The following CSMD3 variants were observed in gnomAD, a reference collection of about 807,000 sequenced individuals.
The protein encoded by CSMD3 is CUB and Sushi multiple domains 3, also known as CUB and sushi domain-containing protein 3.
A neutral mutation model predicts 435.2 loss-of-function variants in CSMD3; 177 were observed. That is an observed-to-expected ratio of 0.41 (90% CI 0.36 to 0.46). The LOEUF is 0.46. Among genes scored for constraint, CSMD3 ranks in the 20% least tolerant of loss-of-function variants. The pLI is 0.34. For missense variants in CSMD3, 4,265 were observed against 4,504.6 expected, an observed-to-expected ratio of 0.95 and a Z score of 1.52; for synonymous variants, 1,656 against 1,520.5, an observed-to-expected ratio of 1.09 and a Z score of -2.07.
At position 112,995,403 on chromosome 8, in the gene CSMD3, G is replaced by A. The variant is rs551936584; in HGVS notation, c.1031-19255C>T. On this transcript the variant is annotated intron_variant, in intron 6 of 70. Coordinates refer to ENST00000297405, the MANE Select transcript of CSMD3 (RefSeq NM_198123.2). Reference sequence around the variant, plus strand: ...TTGCTTCAAAGATATTAAACAGCTCGAAGCAGATGTTTGTTGCTTTCTGGA... The same window carrying A: ...TTGCTTCAAAGATATTAAACAGCTCAAAGCAGATGTTTGTTGCTTTCTGGA... Among the ~76,000 whole-genome samples the A allele has an allele frequency of 2.0e-4, 31 of 151,562 alleles. No homozygotes were observed. In the South Asian group the frequency reaches 3.3e-3, roughly 16 times the overall value.
intron 42 of CSMD3, among the ~76,000 whole-genome samples, chr8:112,339,913 G>A (rs1290136487): frequency 6.6e-6 from 1 of 151,982 alleles, no homozygotes; most frequent in Non-Finnish European, 1.5e-5. Flanking sequence ...ATACATTATG[G>A]CTCCTGTTAA....
intron 64 of CSMD3, among the ~76,000 whole-genome samples, chr8:112,245,769 C>G (rs983792793): frequency 9.9e-5 from 15 of 152,116 alleles, no homozygotes; most frequent in African/African-American, 3.6e-4. Context: ...AACTCCTGAC[C>G]TCAAGTGATC....
chr8:112,263,809 A>G lies in CSMD3; in HGVS notation c.9692T>C (p.Val3231Ala), dbSNP rs769201948. 9.3e-6 allele frequency: 15 copies of G among 1,613,462 alleles called. No homozygotes were observed. In the Middle Eastern group the frequency reaches 5.0e-4, roughly 53 times the overall value. The change falls in exon 61 of 71, where the codon GTT becomes GCT. Residue 3231 changes from valine (V) to alanine (A), a missense_variant. Transcript: ENST00000297405. ...GATCTGGGGAGGAGTTGGGCAGGTA[A>G]CAGCTGCAATTACATTAAAAGTGAT... ...WSGVMPTCRA[V>A]TCPTPPQISN...
intron 3 of CSMD3, among the ~76,000 whole-genome samples, chr8:113,233,426 TA>T (rs1464410942): frequency 4.0e-5 from 6 of 150,916 alleles, no homozygotes; most frequent in African/African-American, 1.4e-4. Context: ...TTGTTCAGAT[TA>T]AAAAATAATA....
chr8:113,052,473 T>G (rs1288212294), intron 5 of CSMD3, among the ~76,000 whole-genome samples: 2 of 152,314 alleles, frequency 1.3e-5, no homozygotes, highest in Admixed American at 6.5e-5. Flanking sequence ...AATTAAAAAG[T>G]TATTAATCAA....
chr8:112,865,532 C>T (rs2080953407), intron 10 of CSMD3, among the ~76,000 whole-genome samples: 2 of 152,068 alleles, frequency 1.3e-5, no homozygotes, highest in Non-Finnish European at 1.5e-5. Context: ...ACTTGTAATT[C>T]CTTAAACACA....
rs776775447 is a variant in CSMD3, at chr8:113,376,801, C to T, written c.178+59876G>A. Reference sequence around the variant, plus strand: ...CAAAGGAACCAACTCCACATTCAACCGGGTTGTGCTGAAGAGGTTGTTTAT... The same window carrying T: ...CAAAGGAACCAACTCCACATTCAACTGGGTTGTGCTGAAGAGGTTGTTTAT... On this transcript the variant is annotated intron_variant, in intron 1 of 70. Transcript: ENST00000297405. 2.2e-4 allele frequency: 347 copies of T among 1,613,732 alleles called. 6 individuals are homozygous for T. The South Asian group carries it at 3.3e-3, about 15-fold the overall frequency.
At chr8:112,783,824 A>C (rs1049645348) in intron 13 of CSMD3, among the ~76,000 whole-genome samples, 3 of 147,558 alleles carry the variant, frequency 2.0e-5, no homozygotes, top group African/African-American at 7.5e-5. Flanking sequence ...ATTTCAAGAC[A>C]AAAAAAAAAC....
chr8:112,670,876 G>A (rs1223334349), intron 16 of CSMD3, among the ~76,000 whole-genome samples: 1 of 152,122 alleles, frequency 6.6e-6, no homozygotes, highest in Non-Finnish European at 1.5e-5. Flanking sequence ...TTCCATGGAG[G>A]TTGAAGGTAA....
intron 32 of CSMD3, among the ~76,000 whole-genome samples, chr8:112,467,384 G>T (rs938981455): frequency 7.9e-5 from 12 of 152,144 alleles, no homozygotes; most frequent in African/African-American, 2.4e-4. Context: ...ATGAAATTAA[G>T]TCACCATCGA....
At chr8:112,241,163 G>T (rs900500394) in intron 66 of CSMD3, among the ~76,000 whole-genome samples, 7 of 151,866 alleles carry the variant, frequency 4.6e-5, no homozygotes, top group African/African-American at 1.4e-4. Context: ...GATAGAAAAA[G>T]ATATGGAGAT....
chr8:112,917,907 G>T (rs2130595257), intron 10 of CSMD3, among the ~76,000 whole-genome samples: 1 of 151,898 alleles, frequency 6.6e-6, no homozygotes, highest in South Asian at 2.1e-4. Flanking sequence ...CTCTACATTT[G>T]AAATGACTTT....
intron 3 of CSMD3, among the ~76,000 whole-genome samples, chr8:113,226,198 T>C (rs1234431337): frequency 6.6e-6 from 1 of 151,546 alleles, no homozygotes; most frequent in African/African-American, 2.4e-5. Flanking sequence ...TGTTATAATG[T>C]TATTATAGTG....
intron 1 of CSMD3, among the ~76,000 whole-genome samples, chr8:113,366,830 C>T (rs2094315016): frequency 6.6e-6 from 1 of 151,864 alleles, no homozygotes; most frequent in African/African-American, 2.4e-5. Context: ...ATGTGTTAAC[C>T]ATGAACAAAT....
chr8:113,232,151 C>T (rs1025560212), intron 3 of CSMD3, among the ~76,000 whole-genome samples: 1 of 151,454 alleles, frequency 6.6e-6, no homozygotes, highest in African/African-American at 2.4e-5. Context: ...TGGGTACCTT[C>T]CATGTACTTT....
intron 32 of CSMD3, among the ~76,000 whole-genome samples, chr8:112,443,713 T>C (rs1373937449): frequency 1.3e-5 from 2 of 152,146 alleles, no homozygotes; most frequent in East Asian, 1.9e-4. Flanking sequence ...ATTGATTTCA[T>C]TGAGAATGAG....
chr8:112,518,318 A>G (rs1823895818), intron 27 of CSMD3, among the ~76,000 whole-genome samples: 2 of 151,740 alleles, frequency 1.3e-5, no homozygotes. Flanking sequence ...CTGGGCAACT[A>G]AGTGAGACTC....
chr8:112,779,577 G>GA lies in CSMD3; in HGVS notation c.1972+20584dup, dbSNP rs1341961151. Reference sequence around the variant, plus strand: ...CATCTTCAGCCCATCACAGAGTTGTGAAAAAAATAGTTGTGTTAAGCTATT... The same window carrying GA: ...CATCTTCAGCCCATCACAGAGTTGTGAAAAAAAATAGTTGTGTTAAGCTATT... On this transcript the variant is annotated intron_variant, in intron 13 of 70. Coordinates refer to ENST00000297405, the MANE Select transcript of CSMD3 (RefSeq NM_198123.2). 2.6e-5 allele frequency among the ~76,000 whole-genome samples: 4 copies of GA among 151,940 alleles called. No individual in the cohort carries two copies. The South Asian group carries it at 8.3e-4, about 32-fold the overall frequency.
At chr8:113,244,806 A>C (rs890659586) in intron 3 of CSMD3, among the ~76,000 whole-genome samples, 1 of 151,928 alleles carries the variant, frequency 6.6e-6, no homozygotes, top group African/African-American at 2.4e-5. Flanking sequence ...GAATATATGA[A>C]GTCTAATTTG....
Sources: allele counts gnomAD v4.1 joint callset (sites outside exome capture counted in the v4.1 genomes callset), GRCh38; gene constraint gnomAD v4.1.1; transcripts MANE v1.5; gene names NCBI Gene and HGNC (gene_info 2026-07-23, HGNC 2026-07-21).